The following STAU2 variants were observed in gnomAD, a reference collection of about 807,000 sequenced individuals.
STAU2 encodes the protein staufen double-stranded RNA binding protein 2.
In STAU2, 20 loss-of-function variants were observed where a neutral mutation model predicts 65.9. The ratio of observed to expected loss-of-function variants is 0.30; its 90% CI spans 0.21 to 0.44. The LOEUF (loss-of-function observed/expected upper bound fraction) is 0.44, where lower values mean the gene tolerates loss of function less well. STAU2 is among the 20% of genes least tolerant of loss of function. The probability of loss-of-function intolerance (pLI) is 1.00; values close to 1 mark genes in which losing one functional copy is unlikely to be tolerated. For synonymous variants in STAU2, 232 were observed against 233.9 expected, an observed-to-expected ratio of 0.99 and a Z score of 0.07; for missense variants, 558 against 683.9, an observed-to-expected ratio of 0.82 and a Z score of 2.05.
chr8:73,432,683 G>A (rs1210981983), intron 13 of STAU2, among the ~76,000 whole-genome samples: 1 of 152,200 alleles, frequency 6.6e-6, no homozygotes, highest in African/African-American at 2.4e-5. Context: ...TTGAGCTTGA[G>A]TTAACCCACT....
chr8:73,599,509 A>G (rs1038527442), intron 10 of STAU2, among the ~76,000 whole-genome samples: 2 of 152,214 alleles, frequency 1.3e-5, no homozygotes, highest in African/African-American at 4.8e-5. Context: ...TTACTTAAAA[A>G]AAAGTTAGAA....
intron 6 of STAU2, among the ~76,000 whole-genome samples, chr8:73,631,810 A>C (rs1814107763): frequency 6.6e-6 from 1 of 152,322 alleles, no homozygotes; most frequent in South Asian, 2.1e-4. Flanking sequence ...GCTCCCAGGA[A>C]ACTCAAACTG....
intron 5 of STAU2, among the ~76,000 whole-genome samples, chr8:73,677,286 A>T (rs561224292): frequency 2.6e-5 from 4 of 152,314 alleles, no homozygotes; most frequent in African/African-American, 9.6e-5. Context: ...GTAAACTGAC[A>T]TTCTTTGACA....
At chr8:73,494,817 T>G (rs1325281396) in intron 13 of STAU2, among the ~76,000 whole-genome samples, 2 of 151,686 alleles carry the variant, frequency 1.3e-5, no homozygotes, top group Non-Finnish European at 3.0e-5. Context: ...TTTTATGAAA[T>G]ATTATCTTAA....
At chr8:73,518,583 C>T (rs1451603976) in intron 13 of STAU2, among the ~76,000 whole-genome samples, 1 of 152,060 alleles carries the variant, frequency 6.6e-6, no homozygotes, top group African/African-American at 2.4e-5. Context: ...TCACATGTCA[C>T]GAAATACTAT....
rs749735102 is a variant in STAU2, at chr8:73,709,029, T to A, written c.114+3A>T. The stretch of plus-strand genomic sequence containing the variant: ...GTCTCACCACCTCTCTTCATAACCT[T>A]ACCTTTGAATGAGCAGGCCCTCTTT... On this transcript the variant is annotated splice_donor_region_variant and intron_variant, in intron 4 of 14. Coordinates refer to ENST00000524300, the MANE Select transcript of STAU2 (RefSeq NM_001164380.2). 1 of 1,520,382 alleles carries A rather than the reference T, an allele frequency of 6.6e-7. No homozygotes were observed. The highest frequency in any genetic ancestry group is 1.2e-5 in the South Asian group (1 of 80,528). The allele number at this position is 1,520,382 out of a possible 1,614,324, so 94.2% of individuals were successfully genotyped here. A position where few individuals can be genotyped will look rare whatever the true frequency, so the allele number is the denominator to read the frequency against.
At chr8:73,569,608 C>T (rs1025321789) in intron 12 of STAU2, among the ~76,000 whole-genome samples, 13 of 151,778 alleles carry the variant, frequency 8.6e-5, no homozygotes, top group Non-Finnish European at 1.2e-4. Flanking sequence ...TCTGAGACGA[C>T]GCTTCCACAG....
At chr8:73,583,270 C>T (rs1054209000) in intron 11 of STAU2, among the ~76,000 whole-genome samples, 4 of 151,720 alleles carry the variant, frequency 2.6e-5, no homozygotes, top group African/African-American at 4.8e-5. Flanking sequence ...CTCAGCCTCC[C>T]GAGTAGCTGG....
At chr8:73,746,625 TGGGAGGGAAGGCGCGG>T in intron 1 of STAU2, among the ~76,000 whole-genome samples, 142 bp downstream of exon 1, 1 of 151,298 alleles carries the variant, frequency 6.6e-6, no homozygotes, top group Non-Finnish European at 1.5e-5. Context: ...GAGCCCGATG[TGGGAGGGAAGGCGCGG>T]GGGAGGGGAG....
chr8:73,690,639 T>C (rs1819266597), intron 4 of STAU2, among the ~76,000 whole-genome samples: 1 of 152,202 alleles, frequency 6.6e-6, no homozygotes, highest in Non-Finnish European at 1.5e-5. Flanking sequence ...GGAAAAATTA[T>C]ATGTCAATAT....
Position 73,632,324 on chromosome 8 carries a change from C to CTA in STAU2, c.411-14874_411-14873insTA, listed in dbSNP as rs569703569. Among the ~76,000 whole-genome samples, 41 of 150,252 alleles carry CTA rather than the reference C, an allele frequency of 2.7e-4. No homozygotes were observed. In the East Asian group the frequency reaches 8.0e-3, roughly 29 times the overall value. On this transcript the variant is annotated intron_variant, in intron 6 of 14. Transcript: ENST00000524300. ...GGAGAAAGCCTGCCACATACTCTTACAAAGACAGGATGTCAAGCAAACCAA... is the reference window on the plus strand; with the variant it reads ...GGAGAAAGCCTGCCACATACTCTTACTAAAAGACAGGATGTCAAGCAAACCAA...
intron 13 of STAU2, among the ~76,000 whole-genome samples, chr8:73,456,345 G>A (rs1201950521): frequency 1.3e-5 from 2 of 152,198 alleles, no homozygotes; most frequent in African/African-American, 4.8e-5. Flanking sequence ...TTAATCCAGT[G>A]TAAGAACTGG....
chr8:73,692,370 G>C (rs1347746898), intron 4 of STAU2, among the ~76,000 whole-genome samples: 3 of 151,784 alleles, frequency 2.0e-5, no homozygotes, highest in African/African-American at 4.8e-5. Flanking sequence ...GCTAATTTTT[G>C]TATTTTTAGT....
intron 13 of STAU2, among the ~76,000 whole-genome samples, chr8:73,437,934 C>T (rs1425388469): frequency 2.0e-5 from 3 of 152,162 alleles, no homozygotes; most frequent in South Asian, 2.1e-4. Context: ...ACGCACCATG[C>T]CCCCGTTACT....
chr8:73,615,501 T>C (rs1157129320), intron 8 of STAU2, among the ~76,000 whole-genome samples, 174 bp downstream of exon 8: 4 of 152,194 alleles, frequency 2.6e-5, no homozygotes, highest in African/African-American at 9.7e-5. Flanking sequence ...GGAATCTGTG[T>C]TATCATCATG....
At chr8:73,444,407 C>CAAAA (rs55722523) in intron 13 of STAU2, among the ~76,000 whole-genome samples, 1 of 128,402 alleles carries the variant, frequency 7.8e-6, no homozygotes, top group African/African-American at 2.9e-5. Flanking sequence ...AAAACTCCAT[C>CAAAA]AAAAAAAAAA....
At chr8:73,626,307 T>C (rs1307405059) in intron 6 of STAU2, among the ~76,000 whole-genome samples, 1 of 152,138 alleles carries the variant, frequency 6.6e-6, no homozygotes, top group Admixed American at 6.5e-5. Flanking sequence ...AAATAACATG[T>C]TGGTTGGTCC....
intron 13 of STAU2, among the ~76,000 whole-genome samples, chr8:73,534,135 G>A (rs1806023808): frequency 6.6e-6 from 1 of 152,220 alleles, no homozygotes; most frequent in Non-Finnish European, 1.5e-5. Flanking sequence ...TCCATTAACT[G>A]TGGAGTTGAC....
chr8:73,479,022 C>A (rs1820467760), intron 13 of STAU2, among the ~76,000 whole-genome samples: 1 of 152,074 alleles, frequency 6.6e-6, no homozygotes, highest in Non-Finnish European at 1.5e-5. Context: ...TAATGAACCT[C>A]CATGAACCCA....
Sources: allele counts gnomAD v4.1 joint callset (sites outside exome capture counted in the v4.1 genomes callset), GRCh38; gene constraint gnomAD v4.1.1; transcripts MANE v1.5; gene names NCBI Gene and HGNC (gene_info 2026-07-23, HGNC 2026-07-21).